The following LINGO3 variants were observed in gnomAD, a reference collection of about 807,000 sequenced individuals.
LINGO3 encodes leucine rich repeat and Ig domain containing 3, also known as leucine-rich repeat and immunoglobulin-like domain-containing nogo receptor-interacting protein 3.
For synonymous variants in LINGO3, 427 were observed against 444.2 expected (o/e 0.96, Z 0.49); for missense variants, 750 against 867.7 (o/e 0.86, Z 1.70).
chr19:2,305,125 G>A, the LINGO3 span, among the ~76,000 whole-genome samples: 1 of 152,224 alleles, frequency 6.6e-6, no homozygotes, highest in South Asian at 2.1e-4. Context: ...AACTCATCAG[G>A]GTCATTGCAG....
chr19:2,289,251 CTGTGTGTTCTGGGTGTGAGCTG>C (rs559017264), downstream of LINGO3, among the ~76,000 whole-genome samples: 1,298 of 144,294 alleles, frequency 9.0e-3, 8 homozygotes, highest in Non-Finnish European at 0.015. Flanking sequence ...CGGGTGTGAG[CTGTGTGTTCTGGGTGTGAGCTG>C]TGTGTGTCCT....
chr19:2,295,235 G>A (rs2025562933), upstream of LINGO3, among the ~76,000 whole-genome samples: 1 of 152,182 alleles, frequency 6.6e-6, no homozygotes, highest in Admixed American at 6.5e-5. Context: ...ATCCTTATAA[G>A]AGGGAAATCT....
At chr19:2,291,801 G>T in exon 1 of LINGO3, 2 of 1,456,492 alleles carry the variant, frequency 1.4e-6, no homozygotes, top group Middle Eastern at 2.1e-4. Context: ...GCCTAGGGCC[G>T]CGCCACCATC....
upstream of LINGO3, among the ~76,000 whole-genome samples, chr19:2,296,827 AC>A (rs1275885476): frequency 2.0e-5 from 3 of 148,602 alleles, no homozygotes; most frequent in Non-Finnish European, 3.0e-5. Context: ...GGTGGCTCAC[AC>A]CTGTAATCCC....
downstream of LINGO3, among the ~76,000 whole-genome samples, chr19:2,288,349 C>T (rs1014326702): frequency 1.3e-5 from 2 of 152,220 alleles, no homozygotes; most frequent in Admixed American, 1.3e-4. The surrounding 1 kb of genome is among the most constrained non-coding windows in gnomAD (Gnocchi z 6.5). Flanking sequence ...AGCCGGGATC[C>T]CCGGGAACCC....
At chr19:2,299,585 G>A in the LINGO3 span, among the ~76,000 whole-genome samples, 27 of 150,910 alleles carry the variant, frequency 1.8e-4, no homozygotes, top group African/African-American at 5.6e-4. Context: ...CACTATGCCC[G>A]GCTAATTTTT....
chr19:2,296,911 AC>A (rs2025577929), upstream of LINGO3, among the ~76,000 whole-genome samples: 1 of 145,108 alleles, frequency 6.9e-6, no homozygotes, highest in African/African-American at 2.5e-5. Flanking sequence ...ACATGGTGAA[AC>A]CCCGTCTCTA....
exon 1 of LINGO3, chr19:2,289,861 G>T: frequency 3.0e-6 from 2 of 672,974 alleles, no homozygotes; most frequent in South Asian, 2.0e-5. Context: ...CTGCGGTTGG[G>T]CGTCTACAAA....
the LINGO3 span, among the ~76,000 whole-genome samples, chr19:2,301,223 T>C: frequency 6.6e-6 from 1 of 151,618 alleles, no homozygotes; most frequent in Non-Finnish European, 1.5e-5. Context: ...CAGGAGTTGA[T>C]CCTGGTGTCT....
At chr19:2,302,104 C>T in the LINGO3 span, among the ~76,000 whole-genome samples, 1 of 132,078 alleles carries the variant, frequency 7.6e-6, no homozygotes, top group African/African-American at 2.8e-5. Flanking sequence ...CTCTGTCATC[C>T]AGGCTGGAGT....
chr19:2,290,388 C>A lies in LINGO3; in HGVS notation c.1389G>T (p.Gly463=), dbSNP rs1270046168. ...GCCGCGCGTCCTGGATCTCCAGCGT[C>A]CCCCCGGGGAGCACGCGCGCCCGGC... is the stretch of plus-strand genomic sequence containing the variant. The change falls in exon 1 of 1, where the codon GGG becomes GGT. Residue 463 remains glycine (G), a synonymous_variant. Transcript: ENST00000585527. This position sits in a 1 kb window ranked among gnomAD's most constrained non-coding sequence, Gnocchi z 6.0. 2 of 1,462,108 alleles carry A rather than the reference C, an allele frequency of 1.4e-6. No homozygotes were observed. Among genetic ancestry groups the A allele is most frequent in the Non-Finnish European group, 9.0e-7 (1 of 1,114,882 alleles). The allele number at this position is 1,462,108 out of a possible 1,614,324, so 90.6% of individuals were successfully genotyped here. A position where few individuals can be genotyped will look rare whatever the true frequency, so the allele number is the denominator to read the frequency against.
At chr19:2,291,603 C>G (rs1196912319) in exon 1 of LINGO3, 5 of 1,517,382 alleles carry the variant, frequency 3.3e-6, no homozygotes, top group African/African-American at 1.4e-5. Flanking sequence ...TGAGCTCCAG[C>G]AGGCGGGTCT....
At chr19:2,297,593 G>C in the LINGO3 span, among the ~76,000 whole-genome samples, 13 of 142,050 alleles carry the variant, frequency 9.2e-5, no homozygotes, top group Non-Finnish European at 1.8e-4. Flanking sequence ...ATAAGCCACC[G>C]CACCCGGCCT....
At chr19:2,295,535 G>A (rs2025564824), upstream of LINGO3, among the ~76,000 whole-genome samples, 1 of 152,144 alleles carries the variant, frequency 6.6e-6, no homozygotes, top group Non-Finnish European at 1.5e-5. Context: ...AGGAGTTCGA[G>A]AGCAGCCTAA....
upstream of LINGO3, among the ~76,000 whole-genome samples, chr19:2,293,927 T>C (rs982716932): frequency 6.6e-6 from 1 of 151,798 alleles, no homozygotes; most frequent in Non-Finnish European, 1.5e-5. Flanking sequence ...GTGGCGCGCA[T>C]CTATAGTCCT....
the LINGO3 span, among the ~76,000 whole-genome samples, chr19:2,306,837 G>A: frequency 1.3e-5 from 2 of 152,092 alleles, no homozygotes; most frequent in African/African-American, 2.4e-5. Flanking sequence ...GGGGAAGCCC[G>A]TGGGTTCTTC....
upstream of LINGO3, among the ~76,000 whole-genome samples, chr19:2,292,342 G>A (rs145366937): frequency 2.4e-3 from 342 of 141,134 alleles, 1 homozygote; most frequent in African/African-American, 8.5e-3. Context: ...AGGCCACAGT[G>A]AGCTGTGATC....
At position 2,291,832 on chromosome 19, in the gene LINGO3, G is replaced by GGCGGGGA. The variant is rs2025527859; in HGVS notation, c.-63_-57dup. 7.1e-7 allele frequency: 1 copy of GGCGGGGA among 1,415,154 alleles called. No homozygotes were observed. The allele number at this position is 1,415,154 out of a possible 1,614,324, so 87.7% of individuals were successfully genotyped here. On this transcript the variant is annotated 5_prime_UTR_variant, in exon 1 of 1. Transcript: ENST00000585527. Reference sequence around the variant, plus strand: ...CCATCCTCCTGCGCACCTGCGGGCGGGCGGGGAGCGGGCAGCGTTAGCACC... The same window carrying GGCGGGGA: ...CCATCCTCCTGCGCACCTGCGGGCGGGCGGGGAGCGGGGAGCGGGCAGCGTTAGCACC...
At chr19:2,300,334 A>G in the LINGO3 span, among the ~76,000 whole-genome samples, 1 of 151,830 alleles carries the variant, frequency 6.6e-6, no homozygotes, top group African/African-American at 2.4e-5. Flanking sequence ...GCCCGGCCCC[A>G]GGCTGATTCT....
Sources: allele counts gnomAD v4.1 joint callset (sites outside exome capture counted in the v4.1 genomes callset), GRCh38; gene constraint gnomAD v4.1.1; non-coding constraint Gnocchi (gnomAD v3.1); transcripts MANE v1.5; gene names NCBI Gene and HGNC (gene_info 2026-07-23, HGNC 2026-07-21).